The following GSE1 variants were observed in gnomAD, a reference collection of about 807,000 sequenced individuals.
GSE1 encodes the protein Gse1 coiled-coil protein, also known as genetic suppressor element 1.
Under a neutral mutation model 112.6 loss-of-function variants are expected in GSE1, and 32 were observed. The ratio of observed to expected loss-of-function variants is 0.28; its 90% CI spans 0.21 to 0.38. GSE1 has a LOEUF of 0.38. Ranked by LOEUF, GSE1 falls within the 10% of genes least tolerant of loss-of-function variation. The pLI is 1.00. For missense variants in GSE1, 2,348 were observed against 1,699.2 expected (o/e 1.38, Z -6.71); for synonymous variants, 1,115 against 735.6 (o/e 1.52, Z -8.35).
chr16:85,398,992 G>A (rs1026264350), intron 2 of GSE1, among the ~76,000 whole-genome samples: 2 of 152,162 alleles, frequency 1.3e-5, no homozygotes, highest in African/African-American at 4.8e-5. Flanking sequence ...GCATATGTGT[G>A]TACATTGTGT....
At chr16:85,647,718 C>T (rs1319266230) in intron 2 of GSE1, among the ~76,000 whole-genome samples, 4 of 152,210 alleles carry the variant, frequency 2.6e-5, no homozygotes, top group Non-Finnish European at 5.9e-5. Flanking sequence ...TCCCGAGTAG[C>T]TGGGACTACA....
intron 1 of GSE1, among the ~76,000 whole-genome samples, chr16:85,325,127 C>T (rs1169663463): frequency 6.6e-6 from 1 of 152,124 alleles, no homozygotes; most frequent in Non-Finnish European, 1.5e-5. Flanking sequence ...TGCCACCACA[C>T]CTGGCTACTT....
intron 3 of GSE1, among the ~76,000 whole-genome samples, chr16:85,652,557 C>CGGCGGCGGCGGT (rs539260257): frequency 6.6e-6 from 1 of 152,246 alleles, no homozygotes; most frequent in East Asian, 1.9e-4. Context: ...GCGGCGGCGG[C>CGGCGGCGGCGGT]GGCGGCGGCT....
At chr16:85,294,663 C>G (rs7195046) in intron 1 of GSE1, among the ~76,000 whole-genome samples, 3 of 119,478 alleles carry the variant, frequency 2.5e-5, no homozygotes, top group African/African-American at 6.3e-5. Context: ...CTCTCTGTCT[C>G]TCTCTCTCCC....
intron 1 of GSE1, among the ~76,000 whole-genome samples, chr16:85,232,335 A>G (rs955004222): frequency 6.6e-6 from 1 of 152,150 alleles, no homozygotes; most frequent in Non-Finnish European, 1.5e-5. Flanking sequence ...TCCACTTGAC[A>G]TCTACTCCCC....
intron 1 of GSE1, among the ~76,000 whole-genome samples, chr16:85,619,301 C>T (rs1032438777): frequency 6.6e-6 from 1 of 152,154 alleles, no homozygotes; most frequent in African/African-American, 2.4e-5. Context: ...CCACAGGCAG[C>T]AATGAAGGGT....
intron 1 of GSE1, among the ~76,000 whole-genome samples, chr16:85,202,167 C>G (rs2075040271): frequency 6.6e-6 from 1 of 152,166 alleles, no homozygotes; most frequent in African/African-American, 2.4e-5. Flanking sequence ...TGTGGAGGAA[C>G]TGGCACAGGG....
intron 9 of GSE1, chr16:85,662,632 G>C (rs537849738): frequency 1.9e-5 from 5 of 256,410 alleles, no homozygotes; most frequent in Non-Finnish European, 3.7e-5. Context: ...GCCACAGCAT[G>C]GGGGAGTGCA....
intron 13 of GSE1, among the ~76,000 whole-genome samples, chr16:85,667,407 C>T (rs1256240908): frequency 6.6e-6 from 1 of 152,246 alleles, no homozygotes; most frequent in Non-Finnish European, 1.5e-5. Flanking sequence ...CCCACCAGGC[C>T]ACGCCATGAG....
At chr16:85,399,104 G>A (rs1311548897) in intron 2 of GSE1, among the ~76,000 whole-genome samples, 4 of 152,190 alleles carry the variant, frequency 2.6e-5, no homozygotes, top group Non-Finnish European at 5.9e-5. Flanking sequence ...GTGTACATGT[G>A]TGTGTGAGGA....
rs1051170700 is a variant in GSE1 at position 85,419,610 on chromosome 16, AAAAAAAAC to A, written c.2464+61974_2464+61981del. ...AATAGAGCAAGGCTGTGTCTCAAAA[AAAAAAAAC>A]AAAAAACAAAAAACAAAAAATAACA... is the stretch of plus-strand genomic sequence containing the variant. On this transcript the variant is annotated intron_variant, in intron 2 of 2. Coordinates refer to the GSE1 transcript ENST00000637419. The surrounding 1 kb of genome is among the most constrained non-coding windows in gnomAD (Gnocchi z 6.5). Among the ~76,000 whole-genome samples the A allele has an allele frequency of 6.6e-5, 10 of 151,898 alleles. No homozygotes were observed. Among genetic ancestry groups the A allele is most frequent in the Middle Eastern group, 3.2e-3 (1 of 316 alleles).
rs1412367962 is a variant in GSE1 at position 85,494,477 on chromosome 16, G to C, written c.2464+136834G>C. 4.1e-5 allele frequency among the ~76,000 whole-genome samples: 6 copies of C among 146,090 alleles called. No individual in the cohort carries two copies. In the South Asian group the frequency reaches 1.3e-3, roughly 31 times the overall value. ...CCTTTTTTTTTTTTTTTCCAAGACA[G>C]GGTCTCACTCTGTTGCCCAGGCTGG... On this transcript the variant is annotated intron_variant, in intron 2 of 2. Transcript: ENST00000637419.
At chr16:85,319,978 G>A (rs956518704) in intron 1 of GSE1, among the ~76,000 whole-genome samples, 2 of 152,210 alleles carry the variant, frequency 1.3e-5, no homozygotes, top group African/African-American at 2.4e-5. Context: ...CTGGGGCTGC[G>A]CCTACCCAGC....
intron 1 of GSE1, among the ~76,000 whole-genome samples, chr16:85,623,656 G>A (rs556815497): frequency 7.9e-5 from 12 of 152,306 alleles, no homozygotes; most frequent in African/African-American, 2.4e-4. Flanking sequence ...GGCACACTGC[G>A]CCTTCTGACT....
chr16:85,536,944 G>C (rs1444497350), intron 2 of GSE1, among the ~76,000 whole-genome samples: 1 of 152,220 alleles, frequency 6.6e-6, no homozygotes, highest in Non-Finnish European at 1.5e-5. Flanking sequence ...CATGCCCCTG[G>C]AGTTTGGAGA....
intron 2 of GSE1, among the ~76,000 whole-genome samples, chr16:85,365,549 C>G (rs75148121): frequency 0.033 from 5,057 of 152,268 alleles, 281 homozygotes; most frequent in African/African-American, 0.11. Context: ...GGCTGAGGAT[C>G]TCTTGGAGCT....
chr16:85,359,398 A>T (rs1321010269), intron 2 of GSE1: 2 of 455,942 alleles, frequency 4.4e-6, no homozygotes, highest in Non-Finnish European at 8.8e-6. Flanking sequence ...AACAAGGCCC[A>T]GATGGACCCC....
intron 1 of GSE1, among the ~76,000 whole-genome samples, chr16:85,318,075 C>T (rs2039614699): frequency 6.6e-6 from 1 of 152,186 alleles, no homozygotes. Flanking sequence ...GGAGGCCGTC[C>T]CATGGTGGTG....
At chr16:85,277,165 G>T (rs900895789) in intron 1 of GSE1, among the ~76,000 whole-genome samples, 2 of 152,188 alleles carry the variant, frequency 1.3e-5, no homozygotes, top group African/African-American at 4.8e-5. Context: ...GTGGAGTGGG[G>T]AGAAATAGAG....
Sources: gnomAD v4.1 joint callset for allele counts (sites outside exome capture counted in the v4.1 genomes callset) on GRCh38, gnomAD v4.1.1 for gene constraint, Gnocchi (gnomAD v3.1) non-coding constraint, MANE v1.5 for transcripts, NCBI Gene and HGNC (gene_info 2026-07-23, HGNC 2026-07-21) for gene names.